DGKI: variants seen among roughly 807,000 people sequenced by gnomAD.
DGKI encodes DAG kinase iota.
A neutral mutation model predicts 147.5 loss-of-function variants in DGKI; 55 were observed. The observed-to-expected ratio is 0.37, with a 90% CI of 0.30 to 0.47. The LOEUF is 0.47. DGKI is among the 20% of genes least tolerant of loss of function. The pLI is 1.00. For missense variants in DGKI, 1,007 were observed against 1,323.8 expected (o/e 0.76, Z 3.71); for synonymous variants, 469 against 477.1 (o/e 0.98, Z 0.22).
chr7:137,567,575 A>C (rs1370631802), intron 19 of DGKI, among the ~76,000 whole-genome samples: 2 of 152,198 alleles, frequency 1.3e-5, no homozygotes, highest in Non-Finnish European at 2.9e-5. Context: ...TTTCTTCAAT[A>C]AATAAATGAG....
chr7:137,566,617 C>T (rs898644803), intron 19 of DGKI, among the ~76,000 whole-genome samples: 6 of 152,116 alleles, frequency 3.9e-5, no homozygotes, highest in Non-Finnish European at 8.8e-5. Flanking sequence ...TTACCTTATT[C>T]ACATGATGAA....
chr7:137,684,850 C>T (rs994117631), intron 2 of DGKI, among the ~76,000 whole-genome samples: 3 of 152,044 alleles, frequency 2.0e-5, no homozygotes, highest in African/African-American at 7.2e-5. Flanking sequence ...AAGAGGGGGG[C>T]CTGACGCCCA....
chr7:137,409,484 C>T (rs1026191508), intron 29 of DGKI, among the ~76,000 whole-genome samples: 1 of 152,086 alleles, frequency 6.6e-6, no homozygotes, highest in Non-Finnish European at 1.5e-5. Context: ...GAAACAGCCA[C>T]GGAAGACCTC....
chr7:137,697,238 T>G (rs1238706752), intron 1 of DGKI, among the ~76,000 whole-genome samples: 2 of 152,214 alleles, frequency 1.3e-5, no homozygotes, highest in African/African-American at 4.8e-5. Context: ...TTTGGCTAAC[T>G]TCAAAATGCT....
chr7:137,443,772 C>T (rs1347944893), intron 28 of DGKI, among the ~76,000 whole-genome samples: 1 of 152,112 alleles, frequency 6.6e-6, no homozygotes, highest in Non-Finnish European at 1.5e-5. Flanking sequence ...TCATAAAAAG[C>T]ACAGGACTAG....
At chr7:137,831,635 C>A (rs1228671549) in intron 1 of DGKI, among the ~76,000 whole-genome samples, 3 of 152,186 alleles carry the variant, frequency 2.0e-5, no homozygotes, top group Admixed American at 2.0e-4. Flanking sequence ...CAAGATGAGA[C>A]CTGGGTGGGG....
intron 28 of DGKI, among the ~76,000 whole-genome samples, chr7:137,422,750 G>A (rs1330708866): frequency 2.6e-5 from 4 of 151,404 alleles, no homozygotes; most frequent in African/African-American, 4.9e-5. Context: ...GACTACAGGC[G>A]CCCGCCACCA....
intron 21 of DGKI, among the ~76,000 whole-genome samples, chr7:137,491,361 G>T (rs1041317263): frequency 1.3e-5 from 2 of 152,128 alleles, no homozygotes; most frequent in African/African-American, 4.8e-5. Context: ...AAAGCTGGCA[G>T]CCAGAACCTT....
At chr7:137,711,477 T>C (rs191714581) in intron 1 of DGKI, among the ~76,000 whole-genome samples, 57 of 152,212 alleles carry the variant, frequency 3.7e-4, no homozygotes, top group African/African-American at 1.3e-3. Flanking sequence ...AACACAGTGG[T>C]GACTAAAAGT....
chr7:137,410,024 T>G (rs1812103028), intron 29 of DGKI, among the ~76,000 whole-genome samples: 1 of 152,148 alleles, frequency 6.6e-6, no homozygotes, highest in Admixed American at 6.5e-5. Context: ...GAAGAGGGCA[T>G]GAATATTTGA....
At chr7:137,654,902 A>G (rs968477839) in intron 4 of DGKI, 114 bp from the exon 5 acceptor site, 14 of 658,068 alleles carry the variant, frequency 2.1e-5, no homozygotes, top group Non-Finnish European at 3.1e-5. Flanking sequence ...CAAAACCTCC[A>G]AAGAACAAGG....
chr7:137,434,870 A>G (rs1235025156), intron 28 of DGKI, among the ~76,000 whole-genome samples: 1 of 152,124 alleles, frequency 6.6e-6, no homozygotes, highest in Non-Finnish European at 1.5e-5. Context: ...TGAATTATCT[A>G]TTTTCCTAGG....
chr7:137,653,125 T>C (rs1822093348), intron 5 of DGKI, among the ~76,000 whole-genome samples: 1 of 152,116 alleles, frequency 6.6e-6, no homozygotes, highest in Admixed American at 6.5e-5. Context: ...TGTGTATGTG[T>C]GTTTGTGTGT....
intron 21 of DGKI, among the ~76,000 whole-genome samples, chr7:137,516,308 T>C (rs191868643): frequency 6.6e-6 from 1 of 152,094 alleles, no homozygotes; most frequent in Non-Finnish European, 1.5e-5. Flanking sequence ...AAACTAAACA[T>C]TTATTATATT....
At chr7:137,540,177 T>A (rs1241794032) in intron 20 of DGKI, among the ~76,000 whole-genome samples, 1 of 152,096 alleles carries the variant, frequency 6.6e-6, no homozygotes. Flanking sequence ...GAACAAATAA[T>A]ACCCTAATCT....
intron 1 of DGKI, among the ~76,000 whole-genome samples, chr7:137,829,200 C>T (rs1798150257): frequency 6.6e-6 from 1 of 152,234 alleles, no homozygotes; most frequent in South Asian, 2.1e-4. Context: ...AGAAGACAAA[C>T]TCTCTGTCTT....
At chr7:137,779,427 T>A (rs1796452642) in intron 1 of DGKI, among the ~76,000 whole-genome samples, 2 of 152,166 alleles carry the variant, frequency 1.3e-5, no homozygotes, top group Non-Finnish European at 2.9e-5. Flanking sequence ...GACTTGCAGA[T>A]AAGTAAAGAT....
intron 1 of DGKI, among the ~76,000 whole-genome samples, chr7:137,815,796 A>G (rs1474001567): frequency 6.6e-6 from 1 of 152,216 alleles, no homozygotes; most frequent in Non-Finnish European, 1.5e-5. Context: ...CAAGGGAGAA[A>G]AGAGACTTTA....
chr7:137,474,699 TAA>T (rs1256755423), intron 23 of DGKI, among the ~76,000 whole-genome samples: 1 of 152,160 alleles, frequency 6.6e-6, no homozygotes, highest in Non-Finnish European at 1.5e-5. Flanking sequence ...CTTGAGGTGT[TAA>T]AATATCGTAG....
Sources: gnomAD v4.1 joint callset for allele counts (sites outside exome capture counted in the v4.1 genomes callset) on GRCh38, gnomAD v4.1.1 for gene constraint, MANE v1.5 for transcripts, NCBI Gene and HGNC (gene_info 2026-07-23, HGNC 2026-07-21) for gene names.